The following MRPS6 variants were observed in gnomAD, a reference collection of about 807,000 sequenced individuals.
MRPS6 encodes the protein mitochondrial ribosomal protein S6.
MRPS6 carries 6 observed loss-of-function variants against 13.1 expected under a neutral mutation model. The observed-to-expected ratio is 0.46, with a 90% CI of 0.25 to 0.91. The LOEUF (loss-of-function observed/expected upper bound fraction) is 0.91. Ranked by LOEUF, MRPS6 falls within the 40% of genes least tolerant of loss-of-function variation. The pLI, the probability that MRPS6 is intolerant of heterozygous loss-of-function variation, is 0.18. For missense variants in MRPS6, 164 were observed against 155.6 expected (o/e 1.05, Z -0.29); for synonymous variants, 61 against 56.5 (o/e 1.08, Z -0.36).
chr21:34,141,332 G>A (rs1980900206), intron 2 of MRPS6, among the ~76,000 whole-genome samples: 2 of 152,220 alleles, frequency 1.3e-5, no homozygotes, highest in Non-Finnish European at 2.9e-5. Context: ...TGAGGGCAAT[G>A]GAGAGTGAGG....
chr21:34,085,007 C>G (rs1030304606), intron 1 of MRPS6, among the ~76,000 whole-genome samples: 6 of 152,184 alleles, frequency 3.9e-5, no homozygotes, highest in Non-Finnish European at 7.4e-5. Context: ...CTAACCACAA[C>G]ATAGTCATCA....
At chr21:34,129,877 C>T (rs112794602) in intron 2 of MRPS6, among the ~76,000 whole-genome samples, 129 of 152,302 alleles carry the variant, frequency 8.5e-4, no homozygotes, top group African/African-American at 3.0e-3. Context: ...GATTCTGCAG[C>T]AGGTTTAGTG....
intron 1 of MRPS6, among the ~76,000 whole-genome samples, chr21:34,086,467 G>A (rs1978383141): frequency 6.6e-6 from 1 of 151,760 alleles, no homozygotes; most frequent in Non-Finnish European, 1.5e-5. Context: ...TAGTCCTTTT[G>A]CATCAGTTAG....
intron 1 of MRPS6, among the ~76,000 whole-genome samples, chr21:34,118,431 C>G (rs1176641956): frequency 2.0e-5 from 3 of 152,108 alleles, no homozygotes; most frequent in Non-Finnish European, 4.4e-5. Flanking sequence ...TACACAGTTT[C>G]AACCTGTATT....
At chr21:34,095,685 A>G in intron 1 of MRPS6, 2 of 1,613,556 alleles carry the variant, frequency 1.2e-6, no homozygotes, top group Non-Finnish European at 1.7e-6. Context: ...TGTGTCTGTC[A>G]TCCTGCTCAT....
intron 2 of MRPS6, among the ~76,000 whole-genome samples, chr21:34,141,090 A>G (rs1980891722): frequency 6.6e-6 from 1 of 152,124 alleles, no homozygotes; most frequent in African/African-American, 2.4e-5. Flanking sequence ...TTCCTTTTCA[A>G]CTTGATCTTC....
At chr21:34,078,414 G>A (rs1298454398) in intron 1 of MRPS6, among the ~76,000 whole-genome samples, 1 of 152,132 alleles carries the variant, frequency 6.6e-6, no homozygotes, top group East Asian at 1.9e-4. Context: ...GGGGTAAGGA[G>A]TCCTTCCTCA....
intron 2 of MRPS6, among the ~76,000 whole-genome samples, chr21:34,134,610 T>C (rs1489568099): frequency 6.6e-6 from 1 of 152,188 alleles, no homozygotes; most frequent in African/African-American, 2.4e-5. Flanking sequence ...AATAAACATA[T>C]TTGTCACCCC....
chr21:34,122,686 T>G (rs1425088487), intron 1 of MRPS6: 1 of 151,852 alleles, frequency 6.6e-6, no homozygotes, highest in East Asian at 1.9e-4. Flanking sequence ...GGGTAGCTAA[T>G]CAGAAAACTA....
At chr21:34,130,842 AGAGAGAT>A (rs1980478156) in intron 2 of MRPS6, among the ~76,000 whole-genome samples, 1 of 152,166 alleles carries the variant, frequency 6.6e-6, no homozygotes, top group Non-Finnish European at 1.5e-5. Flanking sequence ...TCTATAGAAA[AGAGAGAT>A]GCTTTTGTGA....
chr21:34,105,636 A>G, intron 1 of MRPS6: 1 of 999,808 alleles, frequency 1.0e-6, no homozygotes, highest in South Asian at 4.7e-5. Context: ...TTAGTTAGGC[A>G]TTGTAGGCCA....
At position 34,073,667 on chromosome 21, in the gene MRPS6, T is replaced by G; in HGVS notation, c.-34T>G. ...GCCCCTTCGCGTCCCGGGAACCGGC[T>G]GGCTTCCGAGCCGCACTCGCCGATC... On this transcript the variant is annotated 5_prime_UTR_variant, in exon 1 of 3. Transcript: ENST00000399312. 1 of 1,511,876 alleles carries G rather than the reference T, an allele frequency of 6.6e-7. No homozygotes were observed. Among genetic ancestry groups the G allele is most frequent in the South Asian group, 1.2e-5 (1 of 86,120 alleles). 93.7% of individuals were successfully genotyped at this position (1,511,876 alleles called of 1,614,324 possible). A position where few individuals can be genotyped will look rare whatever the true frequency, so the allele number is the denominator to read the frequency against.
intron 2 of MRPS6, among the ~76,000 whole-genome samples, chr21:34,137,210 T>C (rs1376814830): frequency 6.6e-6 from 1 of 152,236 alleles, no homozygotes; most frequent in East Asian, 1.9e-4. Flanking sequence ...TTCTACTGAA[T>C]GTCAATAGAT....
chr21:34,106,153 C>G, intron 1 of MRPS6: 3 of 991,640 alleles, frequency 3.0e-6, no homozygotes, highest in Non-Finnish European at 3.6e-6. Flanking sequence ...ACATTTCTTG[C>G]AAAGTACATT....
At chr21:34,095,304 G>T in intron 1 of MRPS6, 1 of 1,614,142 alleles carries the variant, frequency 6.2e-7, no homozygotes, top group Non-Finnish European at 8.5e-7. Flanking sequence ...TAGAAGCACC[G>T]TGAGTGGATA....
At chr21:34,128,905 A>G (rs371760259) in intron 2 of MRPS6, among the ~76,000 whole-genome samples, 1 of 152,208 alleles carries the variant, frequency 6.6e-6, no homozygotes, top group Non-Finnish European at 1.5e-5. Context: ...TTAACACTAA[A>G]TAAATCATTG....
chr21:34,097,803 G>C (rs552522104), intron 1 of MRPS6: 2 of 999,984 alleles, frequency 2.0e-6, no homozygotes, highest in East Asian at 2.3e-4. Context: ...CTTAGACATT[G>C]TACAATCAGT....
intron 1 of MRPS6, among the ~76,000 whole-genome samples, chr21:34,081,587 T>C (rs1351395201): frequency 6.6e-6 from 1 of 152,174 alleles, no homozygotes; most frequent in East Asian, 1.9e-4. Context: ...TAGAGGCAGA[T>C]GGGACTGGGT....
At chr21:34,088,328 G>T (rs1472668749) in intron 1 of MRPS6, among the ~76,000 whole-genome samples, 1 of 152,172 alleles carries the variant, frequency 6.6e-6, no homozygotes, top group Admixed American at 6.5e-5. Context: ...AACTTGGATG[G>T]TGAGAACATA....
Sources: allele counts gnomAD v4.1 joint callset (sites outside exome capture counted in the v4.1 genomes callset), GRCh38; gene constraint gnomAD v4.1.1; transcripts MANE v1.5; gene names NCBI Gene and HGNC (gene_info 2026-07-23, HGNC 2026-07-21).